Variants in ARHGEF10L observed in about 807,000 individuals in gnomAD.
ARHGEF10L encodes the protein Rho guanine nucleotide exchange factor 10 like.
Under a neutral mutation model 141.2 loss-of-function variants are expected in ARHGEF10L, and 69 were observed. That is an observed-to-expected ratio of 0.49 (90% confidence interval 0.40 to 0.60). ARHGEF10L has a LOEUF of 0.60. Ranked by LOEUF, ARHGEF10L falls within the 20% of genes least tolerant of loss-of-function variation. ARHGEF10L has a pLI of 0.00. For missense variants in ARHGEF10L, 1,482 were observed against 1,734.3 expected (o/e 0.85, Z 2.58); for synonymous variants, 711 against 718.5 (o/e 0.99, Z 0.17).
rs763372197 is a variant in ARHGEF10L at position 17,695,126 on chromosome 1, G to A, written c.3185-32G>A. ...CAGAGCCCATGCTGTCTCCCCAGGA[G>A]GGCACTGCTCAGCCGCCCTCTCTTT... is the stretch of plus-strand genomic sequence containing the variant. On this transcript the variant is annotated intron_variant, in intron 27 of 28. Transcript: ENST00000361221. 1.2e-5 allele frequency: 19 copies of A among 1,611,188 alleles called. 1 individual carries two copies. In the South Asian group the frequency reaches 2.0e-4, roughly 17 times the overall value.
At chr1:17,694,966 G>T (rs1405389731) in intron 27 of ARHGEF10L, 192 bp from the exon 28 acceptor site, 4 of 792,118 alleles carry the variant, frequency 5.0e-6, no homozygotes, top group African/African-American at 1.7e-5. Context: ...GGAGTGCTCA[G>T]CTGCAGGACC....
At chr1:17,622,923 G>A (rs2060183338) in intron 11 of ARHGEF10L, 73 bp from the exon 12 acceptor site, 14 of 1,504,896 alleles carry the variant, frequency 9.3e-6, no homozygotes, top group Middle Eastern at 2.4e-4. Flanking sequence ...ATGGCTGGCC[G>A]AGTTCTGCAT....
intron 9 of ARHGEF10L, chr1:17,618,285 T>C: frequency 1.6e-5 from 15 of 949,186 alleles, no homozygotes; most frequent in East Asian, 6.2e-5. Flanking sequence ...GCCCAGCGCC[T>C]TCCTGAAGTG....
Position 17,634,580 on chromosome 1 carries a change from CT to C in ARHGEF10L, c.1745+19del. 1.9e-6 allele frequency: 3 copies of C among 1,613,414 alleles called. No individual in the cohort carries two copies. Among genetic ancestry groups the C allele is most frequent in the Non-Finnish European group, 2.5e-6 (3 of 1,179,648 alleles). ...AACCACAGGTACGTGGTTCAGGGGG[CT>C]CCGGGGCTCTGGGGCTCTGGGGCTC... is the stretch of plus-strand genomic sequence containing the variant. On this transcript the variant is annotated intron_variant, in intron 17 of 28. Coordinates refer to ENST00000361221, the MANE Select transcript of ARHGEF10L (RefSeq NM_018125.4).
chr1:17,591,196 G>A (rs767968409), intron 4 of ARHGEF10L, among the ~76,000 whole-genome samples: 2 of 152,198 alleles, frequency 1.3e-5, no homozygotes, highest in African/African-American at 2.4e-5. Flanking sequence ...GGTGCTGATG[G>A]TGCTGTGCTG....
At chr1:17,643,430 G>A (rs1052518091) in intron 21 of ARHGEF10L, among the ~76,000 whole-genome samples, 3 of 152,164 alleles carry the variant, frequency 2.0e-5, no homozygotes, top group Non-Finnish European at 4.4e-5. Flanking sequence ...CCACCACCAC[G>A]CCTTGTGGTC....
chr1:17,653,417 TTGACTCAGC>T (rs774916636), intron 22 of ARHGEF10L, among the ~76,000 whole-genome samples: 1 of 152,196 alleles, frequency 6.6e-6, no homozygotes, highest in Non-Finnish European at 1.5e-5. Flanking sequence ...CCCGGCTCTG[TTGACTCAGC>T]TGACATCAGG....
chr1:17,588,351 C>T (rs1193343), intron 3 of ARHGEF10L, 95 bp from the exon 4 acceptor site: 1,159,019 of 1,404,162 alleles, frequency 0.83, 480,682 homozygotes, highest in Non-Finnish European at 0.85. Context: ...CTGTCTGCGG[C>T]GCCCCTGGGG....
chr1:17,587,357 G>A, intron 2 of ARHGEF10L, 103 bp from the exon 3 acceptor site: 2 of 1,191,684 alleles, frequency 1.7e-6, no homozygotes, highest in South Asian at 3.0e-5. Flanking sequence ...GCTCAGACCT[G>A]AGGTGCTCAC....
At chr1:17,592,175 CTG>C (rs2079604166) in intron 4 of ARHGEF10L, among the ~76,000 whole-genome samples, 1 of 152,200 alleles carries the variant, frequency 6.6e-6, no homozygotes, top group African/African-American at 2.4e-5. Context: ...CGCTGGCTTC[CTG>C]TGTTTTTCCT....
rs543201135 is a variant in ARHGEF10L at position 17,623,674 on chromosome 1, T to C, written c.1200+499T>C. ...TCCAGGGCCCACTCTGAGCCCAGGC[T>C]TGCCATCTGTGGAATGAGGGGTGCA... On this transcript the variant is annotated intron_variant, in intron 12 of 28. Coordinates refer to ENST00000361221, the MANE Select transcript of ARHGEF10L (RefSeq NM_018125.4). This position sits in a 1 kb window ranked among gnomAD's most constrained non-coding sequence, Gnocchi z 4.7. Among the ~76,000 whole-genome samples, 5 of 152,304 alleles carry C rather than the reference T, an allele frequency of 3.3e-5. No homozygotes were observed. Among genetic ancestry groups the C allele is most frequent in the African/African-American group, 1.2e-4 (5 of 41,586 alleles).
intron 2 of ARHGEF10L, among the ~76,000 whole-genome samples, chr1:17,585,839 T>C (rs889661380): frequency 3.3e-5 from 5 of 152,216 alleles, no homozygotes; most frequent in African/African-American, 1.2e-4. Context: ...CTAATGTTTA[T>C]TGAGCATTTG....
At chr1:17,519,888 T>G in the ARHGEF10L span, among the ~76,000 whole-genome samples, 1 of 151,488 alleles carries the variant, frequency 6.6e-6, no homozygotes, top group Non-Finnish European at 1.5e-5. Context: ...CAAGGCCGGT[T>G]GCATGATGTC....
chr1:17,516,544 T>C, the ARHGEF10L span, among the ~76,000 whole-genome samples: 3 of 152,220 alleles, frequency 2.0e-5, no homozygotes, highest in Non-Finnish European at 4.4e-5. Flanking sequence ...CTGCTGCTGC[T>C]GCTGCCGTGG....
chr1:17,688,853 G>C (rs2102519944), intron 27 of ARHGEF10L, among the ~76,000 whole-genome samples: 1 of 152,174 alleles, frequency 6.6e-6, no homozygotes, highest in Non-Finnish European at 1.5e-5. Flanking sequence ...AAATCACCCT[G>C]GTTTCTGCTT....
the ARHGEF10L span, among the ~76,000 whole-genome samples, chr1:17,514,881 G>A: frequency 1.3e-5 from 2 of 152,060 alleles, no homozygotes; most frequent in Admixed American, 6.6e-5. Context: ...CCCCAGCTGC[G>A]GCCTCTGAGC....
intron 26 of ARHGEF10L, among the ~76,000 whole-genome samples, chr1:17,675,075 G>A (rs866964723): frequency 1.6e-4 from 25 of 152,274 alleles, no homozygotes; most frequent in Middle Eastern, 3.4e-3. Context: ...GGAGCTGGGG[G>A]TCTGATCAAG....
At chr1:17,610,931 G>A (rs2059515246) in intron 7 of ARHGEF10L, among the ~76,000 whole-genome samples, 1 of 151,986 alleles carries the variant, frequency 6.6e-6, no homozygotes, top group Non-Finnish European at 1.5e-5. Flanking sequence ...GGTCCTGCTG[G>A]TGCCAATCCA....
chr1:17,564,014 G>C (rs553324251), intron 1 of ARHGEF10L, among the ~76,000 whole-genome samples: 39 of 152,370 alleles, frequency 2.6e-4, no homozygotes, highest in Non-Finnish European at 4.4e-4. Context: ...CAAGGAGCCA[G>C]GTTGGGAGAG....
Sources: allele counts gnomAD v4.1 joint callset (sites outside exome capture counted in the v4.1 genomes callset), GRCh38; gene constraint gnomAD v4.1.1; non-coding constraint Gnocchi (gnomAD v3.1); transcripts MANE v1.5; gene names NCBI Gene and HGNC (gene_info 2026-07-23, HGNC 2026-07-21).